LRRN2: variants seen among roughly 807,000 people sequenced by gnomAD.
LRRN2 encodes leucine-rich repeat neuronal protein 2.
In LRRN2, 10 loss-of-function variants were observed where a neutral mutation model predicts 35.7. The observed-to-expected ratio is 0.28, with a 90% CI of 0.17 to 0.47. The LOEUF is 0.47. LRRN2 is among the 20% of genes least tolerant of loss of function. LRRN2 has a pLI of 0.99. For missense variants in LRRN2, 731 were observed against 940.3 expected, an observed-to-expected ratio of 0.78 and a Z score of 2.91; for synonymous variants, 391 against 409.6, an observed-to-expected ratio of 0.95 and a Z score of 0.55.
intron 1 of LRRN2, among the ~76,000 whole-genome samples, chr1:204,672,425 C>T (rs1330549835): frequency 6.6e-6 from 1 of 152,152 alleles, no homozygotes; most frequent in Non-Finnish European, 1.5e-5. Context: ...AGATCATGAC[C>T]CTTTAGCCCT....
At position 204,617,864 on chromosome 1, in the gene LRRN2, G is replaced by C; in HGVS notation, c.2129C>G (p.Ser710Cys). Reference sequence around the variant, plus strand: ...ACAGGCTGAGCTTCAAGAATTTTGAGACAATGGTGGCAACAGTGTCTCCCC... The same window carrying C: ...ACAGGCTGAGCTTCAAGAATTTTGACACAATGGTGGCAACAGTGTCTCCCC... ...SEGETLLPPL[S>C]QNS Residue 710 changes from serine (S) to cysteine (C), a missense_variant, in exon 2 of 2, where the codon TCT (serine) becomes TGT (cysteine). Transcript: ENST00000367177. 6.2e-7 allele frequency: 1 copy of C among 1,614,156 alleles called. No individual in the cohort carries two copies. The highest frequency in any genetic ancestry group is 8.5e-7 in the Non-Finnish European group (1 of 1,180,040).
chr1:204,647,690 A>C (rs1668139793), intron 1 of LRRN2, among the ~76,000 whole-genome samples: 1 of 152,136 alleles, frequency 6.6e-6, no homozygotes, highest in Non-Finnish European at 1.5e-5. Flanking sequence ...GACGGCTCTG[A>C]TTTTTATGCG....
intron 1 of LRRN2, among the ~76,000 whole-genome samples, chr1:204,631,425 A>G (rs1667702566): frequency 6.7e-6 from 1 of 149,784 alleles, no homozygotes; most frequent in South Asian, 2.1e-4. Context: ...ACCTTATCCC[A>G]GGCACTGTAA....
In LRRN2 at chr1:204,642,427, T is replaced by C. The variant is rs531009727; in HGVS notation, c.-226-22209A>G. Among the ~76,000 whole-genome samples, 22 of 152,292 alleles carry C rather than the reference T, an allele frequency of 1.4e-4. No homozygotes were observed. The South Asian group carries it at 4.3e-3, about 30-fold the overall frequency. On this transcript the variant is annotated intron_variant, in intron 1 of 1. Coordinates refer to ENST00000367177, the MANE Select transcript of LRRN2 (RefSeq NM_201630.2). ...CCAGGAGCTACTCTTTGAATGCCAC[T>C]GGCAGAGGGGTGAAATGACCCCAGG...
At chr1:204,671,669 A>AG (rs1668716098) in intron 1 of LRRN2, among the ~76,000 whole-genome samples, 3 of 150,156 alleles carry the variant, frequency 2.0e-5, no homozygotes, top group Admixed American at 1.3e-4. Context: ...AAAAAAAAAA[A>AG]AGCAAAGGTG....
chr1:204,654,163 C>T (rs2102612151), intron 1 of LRRN2, among the ~76,000 whole-genome samples: 1 of 152,136 alleles, frequency 6.6e-6, no homozygotes, highest in South Asian at 2.1e-4. Flanking sequence ...GGAAGATTGT[C>T]CTTGAAGCCA....
At chr1:204,624,793 G>A (rs1490728612) in intron 1 of LRRN2, among the ~76,000 whole-genome samples, 1 of 151,356 alleles carries the variant, frequency 6.6e-6, no homozygotes, top group Non-Finnish European at 1.5e-5. Context: ...GAGGGAGGGT[G>A]GCAGGTGGTG....
intron 1 of LRRN2, among the ~76,000 whole-genome samples, chr1:204,660,117 T>C (rs998761854): frequency 6.6e-6 from 1 of 152,256 alleles, no homozygotes; most frequent in Admixed American, 6.5e-5. Context: ...TGCTTCTTCC[T>C]GGTCCAGGGG....
intron 1 of LRRN2, among the ~76,000 whole-genome samples, chr1:204,636,875 C>A (rs983631103): frequency 6.6e-6 from 1 of 152,156 alleles, no homozygotes; most frequent in African/African-American, 2.4e-5. Context: ...CCCAGGATTT[C>A]TTTGTAAATT....
At chr1:204,623,523 A>G (rs950266807) in intron 1 of LRRN2, among the ~76,000 whole-genome samples, 11 of 152,230 alleles carry the variant, frequency 7.2e-5, no homozygotes, top group Non-Finnish European at 1.2e-4. Context: ...AAAGGCCCAG[A>G]CAAGTCCACC....
intron 1 of LRRN2, among the ~76,000 whole-genome samples, chr1:204,684,088 G>A (rs1486998470): frequency 6.6e-6 from 1 of 152,216 alleles, no homozygotes; most frequent in East Asian, 1.9e-4. Context: ...TAGACTGGCG[G>A]GAAAGGGGGG....
rs368795359 is a variant in LRRN2, at chr1:204,618,455, A to G, written c.1538T>C (p.Val513Ala). The G allele has an allele frequency of 2.5e-5, 40 of 1,613,952 alleles. No individual in the cohort carries two copies. Among genetic ancestry groups the G allele is most frequent in the Admixed American group, 6.7e-5 (4 of 59,996 alleles). Residue 513 changes from valine (V) to alanine (A), a missense_variant, in exon 2 of 2, where the codon GTT becomes GCT. Physicochemically the swap from Val to Ala is moderately conservative, Grantham distance 64 (BLOSUM62 0). This residue lies in a region of LRRN2 where 229 missense variants were observed against 258.4 expected (regional missense o/e 0.89). Transcript: ENST00000367177. Reference sequence around the variant, plus strand: ...TGGCTGGAGGAGAGCACGGCCCACAACCACACTAACCGTCTTAGTGTCAGC... The same window carrying G: ...TGGCTGGAGGAGAGCACGGCCCACAGCCACACTAACCGTCTTAGTGTCAGC... The part of the protein sequence containing the change: ...VGADTKTVSV[V>A]VGRALLQPGR...
intron 1 of LRRN2, among the ~76,000 whole-genome samples, chr1:204,684,092 A>AT (rs755699944): frequency 1.3e-5 from 2 of 152,154 alleles, no homozygotes; most frequent in African/African-American, 2.4e-5. Context: ...CTGGCGGGAA[A>AT]GGGGGGCACG....
chr1:204,652,046 C>T (rs1410264604), intron 1 of LRRN2, among the ~76,000 whole-genome samples: 3 of 152,234 alleles, frequency 2.0e-5, no homozygotes, highest in East Asian at 3.8e-4. Flanking sequence ...CCAAGCAGCA[C>T]ACAACAGGGG....
At chr1:204,644,902 C>T (rs1668066773) in intron 1 of LRRN2, among the ~76,000 whole-genome samples, 1 of 152,222 alleles carries the variant, frequency 6.6e-6, no homozygotes, top group Non-Finnish European at 1.5e-5. Context: ...AGCTTGGGTC[C>T]TGCTGGAGCA....
At position 204,618,168 on chromosome 1, in the gene LRRN2, C is replaced by A. The variant is rs1325973253; in HGVS notation, c.1825G>T (p.Ala609Ser). ...VAFADAHTQL[A>S]CVWARTKEAT... Reference sequence around the variant, plus strand: ...TCTTTGGTCCTGGCCCATACACAAGCCAACTGGGTGTGGGCATCAGCAAAG... The same window carrying A: ...TCTTTGGTCCTGGCCCATACACAAGACAACTGGGTGTGGGCATCAGCAAAG... The change falls in exon 2 of 2, where the codon GCT becomes TCT. Residue 609 changes from alanine (A) to serine (S), a missense_variant. Transcript: ENST00000367177. 1 of 1,614,144 alleles carries A rather than the reference C, an allele frequency of 6.2e-7. No individual in the cohort carries two copies.
chr1:204,675,014 G>T (rs1267459705), intron 1 of LRRN2, among the ~76,000 whole-genome samples: 2 of 152,218 alleles, frequency 1.3e-5, no homozygotes, highest in African/African-American at 4.8e-5. Flanking sequence ...AAGCATCTGG[G>T]ATTTCTGACA....
chr1:204,659,188 G>A (rs1469599296), intron 1 of LRRN2, among the ~76,000 whole-genome samples: 1 of 152,256 alleles, frequency 6.6e-6, no homozygotes, highest in East Asian at 1.9e-4. Flanking sequence ...TCTAATCCAC[G>A]GATTCATGAA....
At chr1:204,638,213 C>G (rs563504325) in intron 1 of LRRN2, among the ~76,000 whole-genome samples, 2 of 151,252 alleles carry the variant, frequency 1.3e-5, no homozygotes, top group African/African-American at 4.9e-5. Flanking sequence ...AGAGCCAGAG[C>G]GCTGTCATGG....
Sources: gnomAD v4.1 joint callset for allele counts (sites outside exome capture counted in the v4.1 genomes callset) on GRCh38, gnomAD v4.1.1 for gene constraint, gnomAD v4.1.1 regional missense constraint, MANE v1.5 for transcripts, NCBI Gene and HGNC (gene_info 2026-07-23, HGNC 2026-07-21) for gene names.